Variants in DIAPH2 observed in about 807,000 individuals in gnomAD.
DIAPH2 encodes the protein protein diaphanous homolog 2.
Under a neutral mutation model 92.7 loss-of-function variants are expected in DIAPH2, and 35 were observed. The ratio of observed to expected loss-of-function variants is 0.38; its 90% CI spans 0.29 to 0.50. The LOEUF (loss-of-function observed/expected upper bound fraction) is 0.50, where lower values mean the gene tolerates loss of function less well. Ranked by LOEUF, DIAPH2 falls within the 20% of genes least tolerant of loss-of-function variation. The pLI is 0.94. For synonymous variants in DIAPH2, 301 were observed against 280.4 expected (o/e 1.07, Z -0.73); for missense variants, 701 against 819.5 (o/e 0.86, Z 1.77).
chrX:97,182,234 G>A (rs1476897474), intron 22 of DIAPH2, among the ~76,000 whole-genome samples: 4 of 111,206 alleles, frequency 3.6e-5, no homozygotes, highest in Non-Finnish European at 7.5e-5. Context: ...TGAGATATAA[G>A]GTAAAGAAAG....
chrX:97,178,997 A>T (rs1752458707), intron 22 of DIAPH2, among the ~76,000 whole-genome samples: 1 of 111,477 alleles, frequency 9.0e-6, no homozygotes, highest in Non-Finnish European at 1.9e-5. Context: ...GATCTTTGAC[A>T]TCCCAGCCTC....
chrX:97,041,054 A>G (rs1465853584), intron 17 of DIAPH2, among the ~76,000 whole-genome samples: 1 of 111,327 alleles, frequency 9.0e-6, no homozygotes, highest in East Asian at 2.8e-4. Context: ...CTTGTCTACT[A>G]TATACTGATA....
chrX:97,215,814 C>G (rs2067878998), intron 22 of DIAPH2, among the ~76,000 whole-genome samples: 1 of 112,091 alleles, frequency 8.9e-6, no homozygotes, highest in Non-Finnish European at 1.9e-5. Flanking sequence ...CATACACTTA[C>G]AGAGAATGTA....
chrX:97,355,538 A>G (rs2069257686), intron 24 of DIAPH2, among the ~76,000 whole-genome samples: 4 of 111,606 alleles, frequency 3.6e-5, no homozygotes, highest in Non-Finnish European at 7.5e-5. Flanking sequence ...AGAAATTTCT[A>G]TTAGATGCCT....
intron 22 of DIAPH2, among the ~76,000 whole-genome samples, chrX:97,199,808 T>C (rs1188541137): frequency 5.4e-5 from 6 of 111,885 alleles, no homozygotes; most frequent in Non-Finnish European, 3.8e-5. Flanking sequence ...TTTTCAGCCA[T>C]GAAGAAATCA....
chrX:96,799,408 C>T (rs1015351009), intron 4 of DIAPH2, among the ~76,000 whole-genome samples: 1 of 112,254 alleles, frequency 8.9e-6, no homozygotes, highest in Non-Finnish European at 1.9e-5. Context: ...AAGCAGAAAT[C>T]TCTAAATGTA....
Position 97,027,035 on chromosome X carries a change from G to C in DIAPH2, c.2051-45906G>C, listed in dbSNP as rs538254180. ...ACATCTGGTACTACAGGAATTTTAG[G>C]AGTCCCAAAATGAATATGAAAACCT... On this transcript the variant is annotated intron_variant, in intron 17 of 26. Transcript: ENST00000324765. 1.6e-3 allele frequency among the ~76,000 whole-genome samples: 175 copies of C among 111,898 alleles called. 1 individual carries two copies. The highest frequency in any genetic ancestry group is 9.1e-3 in the Middle Eastern group (2 of 219).
intron 26 of DIAPH2, among the ~76,000 whole-genome samples, chrX:97,505,095 C>T (rs2070823276): frequency 8.9e-6 from 1 of 112,454 alleles, no homozygotes; most frequent in Non-Finnish European, 1.9e-5. Context: ...TCTGTTCAAA[C>T]ATCAATGGAC....
At chrX:96,738,454 TAAAA>T in intron 2 of DIAPH2, 128 bp from the exon 3 acceptor site, 2 of 503,118 alleles carry the variant, frequency 4.0e-6, no homozygotes, top group Non-Finnish European at 6.2e-6. Context: ...GCTTGCTGCT[TAAAA>T]TAGTATTTTG....
chrX:96,802,608 G>GTA (rs1269365559), intron 4 of DIAPH2, among the ~76,000 whole-genome samples: 1 of 111,409 alleles, frequency 9.0e-6, no homozygotes, highest in Non-Finnish European at 1.9e-5. Context: ...TCATGATAGG[G>GTA]TATATATATA....
chrX:97,199,251 G>A (rs1434029071), intron 22 of DIAPH2, among the ~76,000 whole-genome samples: 1 of 100,140 alleles, frequency 1.0e-5, no homozygotes, highest in East Asian at 3.0e-4. Context: ...GTGTACGTGT[G>A]TGTATCTGAA....
At chrX:97,038,916 G>A (rs2066430041) in intron 17 of DIAPH2, among the ~76,000 whole-genome samples, 1 of 111,003 alleles carries the variant, frequency 9.0e-6, no homozygotes, top group African/African-American at 3.3e-5. Flanking sequence ...GAATAGTCTT[G>A]TATATAAATC....
intron 13 of DIAPH2, among the ~76,000 whole-genome samples, chrX:96,943,415 G>A (rs2065718623): frequency 9.0e-6 from 1 of 111,300 alleles, no homozygotes; most frequent in Admixed American, 9.6e-5. Context: ...ATGCTTTTCA[G>A]AAAGCTTGTG....
At chrX:96,860,294 A>T (rs774190305) in intron 4 of DIAPH2, among the ~76,000 whole-genome samples, 1 of 112,343 alleles carries the variant, frequency 8.9e-6, no homozygotes, top group East Asian at 2.8e-4. Flanking sequence ...ACTGCATAGA[A>T]TGTGATGGAA....
chrX:97,093,430 C>T (rs1488791424), intron 19 of DIAPH2, among the ~76,000 whole-genome samples: 2 of 111,180 alleles, frequency 1.8e-5, no homozygotes, highest in Non-Finnish European at 3.8e-5. Flanking sequence ...GGGGTTTCAC[C>T]AGGTACCCAC....
rs1233135328 is a variant in DIAPH2, at chrX:96,865,987, A to G, written c.448-15592A>G. ...GGGAAAAATTGTTACTTGTACAGTT[A>G]AACAGTGGTCTTAAGTAGCAGACTA... On this transcript the variant is annotated intron_variant, in intron 4 of 26. Transcript: ENST00000324765. Among the ~76,000 whole-genome samples, 3 of 112,422 alleles carry G rather than the reference A, an allele frequency of 2.7e-5. No individual in the cohort carries two copies. In the East Asian group the frequency reaches 8.4e-4, roughly 31 times the overall value.
chrX:97,367,379 C>T lies in DIAPH2; in HGVS notation c.3010-16530C>T, dbSNP rs1272359018. Among the ~76,000 whole-genome samples the T allele has an allele frequency of 1.3e-4, 14 of 111,876 alleles. No homozygotes were observed. In the Admixed American group the frequency reaches 1.3e-3, roughly 11 times the overall value. On this transcript the variant is annotated intron_variant, in intron 24 of 26. Coordinates refer to ENST00000324765, the MANE Select transcript of DIAPH2 (RefSeq NM_006729.5). ...GCATACTCATCTACAGATGGAATGG[C>T]TTGCTTCCCAGAATGCAATCACTAC... is the stretch of plus-strand genomic sequence containing the variant.
chrX:97,090,599 T>C (rs149480110), intron 19 of DIAPH2, among the ~76,000 whole-genome samples: 4,416 of 110,654 alleles, frequency 0.04, 85 homozygotes, highest in Non-Finnish European at 0.058. Context: ...AGGGTCAGTA[T>C]CTAGATGATG....
At chrX:97,538,705 A>AAT (rs2071116266) in intron 26 of DIAPH2, among the ~76,000 whole-genome samples, 1 of 112,416 alleles carries the variant, frequency 8.9e-6, no homozygotes, top group African/African-American at 3.2e-5. Flanking sequence ...TCAGTTCATT[A>AAT]ATCAAGTGTA....
Sources: allele counts gnomAD v4.1 joint callset (sites outside exome capture counted in the v4.1 genomes callset), GRCh38; gene constraint gnomAD v4.1.1; transcripts MANE v1.5; gene names NCBI Gene and HGNC (gene_info 2026-07-23, HGNC 2026-07-21).